The following FRMD5 variants were observed in gnomAD, a reference collection of about 807,000 sequenced individuals.
The protein encoded by FRMD5 is FERM domain-containing protein 5.
Under a neutral mutation model 69.0 loss-of-function variants are expected in FRMD5, and 20 were observed. The observed-to-expected ratio is 0.29, with a 90% CI of 0.20 to 0.42. FRMD5 has a LOEUF of 0.42. Among genes scored for constraint, FRMD5 ranks in the 10% least tolerant of loss-of-function variants. The pLI, the probability that FRMD5 is intolerant of heterozygous loss-of-function variation, is 1.00. For synonymous variants in FRMD5, 271 were observed against 260.1 expected (o/e 1.04, Z -0.40); for missense variants, 595 against 708.6 (o/e 0.84, Z 1.82).
chr15:43,891,648 C>T (rs2088795533), intron 8 of FRMD5, among the ~76,000 whole-genome samples: 2 of 152,176 alleles, frequency 1.3e-5, no homozygotes, highest in Non-Finnish European at 2.9e-5. Context: ...AACTATGACC[C>T]TCAGTGGGTG....
intron 1 of FRMD5, among the ~76,000 whole-genome samples, chr15:44,000,649 G>A (rs555005551): frequency 3.7e-4 from 56 of 152,056 alleles, no homozygotes; most frequent in African/African-American, 1.3e-3. Context: ...TAGTAGAGAC[G>A]GGGTTTTGCC....
chr15:43,949,245 T>C (rs976773112), intron 1 of FRMD5, among the ~76,000 whole-genome samples: 2 of 152,210 alleles, frequency 1.3e-5, no homozygotes, highest in Non-Finnish European at 2.9e-5. Context: ...TAGCAGTAAC[T>C]GTGAGCTTCT....
chr15:44,004,287 TGTACATATCA>T (rs1164859887), intron 1 of FRMD5, among the ~76,000 whole-genome samples: 1 of 152,258 alleles, frequency 6.6e-6, no homozygotes, highest in African/African-American at 2.4e-5. Flanking sequence ...TACCTATGTG[TGTACATATCA>T]GTACAAGCAT....
intron 1 of FRMD5, among the ~76,000 whole-genome samples, chr15:44,010,141 A>G (rs1338317757): frequency 6.6e-6 from 1 of 152,222 alleles, no homozygotes; most frequent in East Asian, 1.9e-4. Context: ...GACAGATTCC[A>G]TCTCTGGAAT....
intron 12 of FRMD5, 76 bp from the exon 13 acceptor site, chr15:43,883,885 G>C: frequency 9.6e-7 from 1 of 1,040,038 alleles, no homozygotes; most frequent in Non-Finnish European, 1.5e-6. Context: ...TTGAGTACTG[G>C]CTACTAGAAT....
chr15:44,092,605 G>C (rs1449386259), intron 1 of FRMD5, among the ~76,000 whole-genome samples: 1 of 152,112 alleles, frequency 6.6e-6, no homozygotes, highest in Non-Finnish European at 1.5e-5. Flanking sequence ...GTTCATCATA[G>C]GATATGAGCT....
At chr15:44,177,296 T>C (rs2077915730) in intron 1 of FRMD5, among the ~76,000 whole-genome samples, 1 of 152,186 alleles carries the variant, frequency 6.6e-6, no homozygotes, top group East Asian at 1.9e-4. Context: ...GCATTATCCA[T>C]AATAGCCAAA....
chr15:44,180,510 C>T (rs778634960), intron 1 of FRMD5, among the ~76,000 whole-genome samples: 49 of 152,042 alleles, frequency 3.2e-4, no homozygotes, highest in Non-Finnish European at 6.0e-4. Flanking sequence ...ACTGGCCAGG[C>T]GCGGCAGCTC....
At chr15:44,151,838 C>T (rs952458033) in intron 1 of FRMD5, among the ~76,000 whole-genome samples, 4 of 152,170 alleles carry the variant, frequency 2.6e-5, no homozygotes, top group African/African-American at 9.7e-5. Flanking sequence ...TTATAAATCA[C>T]ATATCTGATA....
At chr15:43,951,774 G>A (rs1004716205) in intron 1 of FRMD5, among the ~76,000 whole-genome samples, 1 of 152,120 alleles carries the variant, frequency 6.6e-6, no homozygotes, top group Non-Finnish European at 1.5e-5. Flanking sequence ...AAGGCTGAAG[G>A]GACAATTCAC....
chr15:44,062,303 C>T (rs898593196), intron 1 of FRMD5, among the ~76,000 whole-genome samples: 2 of 152,132 alleles, frequency 1.3e-5, no homozygotes, highest in African/African-American at 4.8e-5. Context: ...ACACAAAATA[C>T]TGTATCCACC....
intron 1 of FRMD5, among the ~76,000 whole-genome samples, chr15:44,042,642 G>A (rs1892251017): frequency 1.3e-5 from 2 of 152,146 alleles, no homozygotes; most frequent in African/African-American, 4.8e-5. Context: ...ATCAATAAAC[G>A]TAATCCATCA....
At chr15:43,968,830 A>G (rs1399482489) in intron 1 of FRMD5, among the ~76,000 whole-genome samples, 1 of 152,174 alleles carries the variant, frequency 6.6e-6, no homozygotes, top group African/African-American at 2.4e-5. Flanking sequence ...ATTTATTCTC[A>G]CATTGCTTAG....
chr15:44,016,255 G>C (rs1462994647), intron 1 of FRMD5, among the ~76,000 whole-genome samples: 1 of 152,158 alleles, frequency 6.6e-6, no homozygotes, highest in Non-Finnish European at 1.5e-5. Context: ...TTGACCAAGA[G>C]AACTGAGCAA....
chr15:44,191,205 T>C (rs1039929900), intron 1 of FRMD5, among the ~76,000 whole-genome samples: 3 of 152,184 alleles, frequency 2.0e-5, no homozygotes, highest in Non-Finnish European at 2.9e-5. Context: ...GACTTGAAAA[T>C]AGGTATTTTT....
At chr15:43,984,730 T>A (rs1048366372) in intron 1 of FRMD5, among the ~76,000 whole-genome samples, 1 of 152,288 alleles carries the variant, frequency 6.6e-6, no homozygotes, top group Admixed American at 6.5e-5. Context: ...ACGCCTGTAA[T>A]CCCAACGCCT....
Position 43,992,022 on chromosome 15 carries a change from C to T in FRMD5, c.103-67713G>A, listed in dbSNP as rs185031252. Among the ~76,000 whole-genome samples, 39 of 152,216 alleles carry T rather than the reference C, an allele frequency of 2.6e-4. 1 individual carries two copies. Among genetic ancestry groups the T allele is most frequent in the East Asian group, 9.6e-4 (5 of 5,188 alleles). ...ACTCTTTAAACTATAAGTTATTTGACGATAAGGTATCTTCTATTAAAAAAA... is the reference window on the plus strand; with the variant it reads ...ACTCTTTAAACTATAAGTTATTTGATGATAAGGTATCTTCTATTAAAAAAA... On this transcript the variant is annotated intron_variant, in intron 1 of 13. Transcript: ENST00000417257.
intron 1 of FRMD5, chr15:43,989,850 G>A (rs1889585475): frequency 2.0e-6 from 2 of 1,021,446 alleles, no homozygotes; most frequent in South Asian, 2.5e-5. Flanking sequence ...TGGCCTTGGG[G>A]CTCAGGGGGA....
chr15:43,988,051 TTCATGC>T (rs1310317649), intron 1 of FRMD5, among the ~76,000 whole-genome samples: 1 of 151,870 alleles, frequency 6.6e-6, no homozygotes, highest in Non-Finnish European at 1.5e-5. Context: ...CACAATGGGG[TTCATGC>T]TCCTATGAGA....
Sources: allele counts gnomAD v4.1 joint callset (sites outside exome capture counted in the v4.1 genomes callset), GRCh38; gene constraint gnomAD v4.1.1; transcripts MANE v1.5; gene names NCBI Gene and HGNC (gene_info 2026-07-23, HGNC 2026-07-21).